CDH13: variants seen among roughly 807,000 people sequenced by gnomAD.
CDH13 encodes the protein cadherin-13.
CDH13 carries 24 observed loss-of-function variants against 63.8 expected under a neutral mutation model. The observed-to-expected ratio is 0.38, with a 90% CI of 0.27 to 0.53. The LOEUF (loss-of-function observed/expected upper bound fraction) is 0.53, where lower values mean the gene tolerates loss of function less well. CDH13 is among the 20% of genes least tolerant of loss of function. The probability of loss-of-function intolerance (pLI) is 0.85; values close to 1 mark genes in which losing one functional copy is unlikely to be tolerated. For missense variants in CDH13, 1,049 were observed against 903.1 expected (o/e 1.16, Z -2.07); for synonymous variants, 503 against 355.3 (o/e 1.42, Z -4.67).
Position 82,849,405 on chromosome 16 carries a change from G to C in CDH13, c.46-8957G>C, listed in dbSNP as rs111343334. Among the ~76,000 whole-genome samples, 812 of 152,268 alleles carry C rather than the reference G, an allele frequency of 5.3e-3. 7 individuals carry two copies. Among genetic ancestry groups the C allele is most frequent in the African/African-American group, 0.017 (711 of 41,540 alleles). ...TAATACCAGCTACTCGGGAGGCCAA[G>C]GCAGGAGAATCGGTTGAACCAGGGA... On this transcript the variant is annotated intron_variant, in intron 1 of 13. Transcript: ENST00000567109.
At chr16:83,022,509 C>T (rs139771745) in intron 2 of CDH13, among the ~76,000 whole-genome samples, 291 of 152,302 alleles carry the variant, frequency 1.9e-3, no homozygotes, top group African/African-American at 6.8e-3. Flanking sequence ...ACGTGTAGAG[C>T]ATTTAAACCA....
At chr16:83,575,192 T>C (rs1567777302) in intron 7 of CDH13, among the ~76,000 whole-genome samples, 2 of 152,186 alleles carry the variant, frequency 1.3e-5, no homozygotes, top group African/African-American at 2.4e-5. Context: ...GAATTTTTCT[T>C]TGGGGTGATG....
At position 82,959,476 on chromosome 16, in the gene CDH13, C is replaced by G. The variant is rs147793365; in HGVS notation, c.158-72534C>G. 8.9e-3 allele frequency among the ~76,000 whole-genome samples: 1,357 copies of G among 152,298 alleles called. 24 individuals are homozygous for G. Among genetic ancestry groups the G allele is most frequent in the African/African-American group, 0.031 (1,288 of 41,558 alleles). On this transcript the variant is annotated intron_variant, in intron 2 of 13. Coordinates refer to ENST00000567109, the MANE Select transcript of CDH13 (RefSeq NM_001257.5). ...TCTGGAGGCCCAAGGGCAGAATCCACTTTCTTCCCTCTCCCAGTTTCTAGA... is the reference window on the plus strand; with the variant it reads ...TCTGGAGGCCCAAGGGCAGAATCCAGTTTCTTCCCTCTCCCAGTTTCTAGA...
intron 2 of CDH13, among the ~76,000 whole-genome samples, chr16:82,923,540 T>C (rs2042219204): frequency 1.3e-5 from 2 of 152,348 alleles, no homozygotes; most frequent in Admixed American, 6.5e-5. Flanking sequence ...ACTCTGAGGC[T>C]ATGGAATCTA....
chr16:83,572,613 T>C (rs767388886), intron 7 of CDH13, among the ~76,000 whole-genome samples: 5 of 152,194 alleles, frequency 3.3e-5, no homozygotes, highest in Admixed American at 6.5e-5. Context: ...ATCCATTGAA[T>C]TGAATATTCT....
chr16:83,738,922 G>A (rs901749996), intron 10 of CDH13, among the ~76,000 whole-genome samples: 3 of 152,116 alleles, frequency 2.0e-5, no homozygotes, highest in South Asian at 4.1e-4. Flanking sequence ...AAAAGGGGGG[G>A]TTTAGGAGAA....
intron 1 of CDH13, among the ~76,000 whole-genome samples, chr16:82,691,616 T>TG (rs1394433776): frequency 6.6e-6 from 1 of 152,162 alleles, no homozygotes; most frequent in East Asian, 1.9e-4. Flanking sequence ...AGATCCACTC[T>TG]GGGGAAAGGC....
At chr16:83,313,747 T>C (rs766643906) in intron 5 of CDH13, among the ~76,000 whole-genome samples, 121 of 152,278 alleles carry the variant, frequency 7.9e-4, no homozygotes, top group Non-Finnish European at 1.4e-3. Context: ...TTGCCTTTTT[T>C]CCCATTATTT....
intron 4 of CDH13, among the ~76,000 whole-genome samples, chr16:83,157,852 G>T (rs548400116): frequency 4.5e-4 from 68 of 151,916 alleles, no homozygotes; most frequent in African/African-American, 1.6e-3. Flanking sequence ...GGCAGAGGTT[G>T]CAGTGAGCCA....
At chr16:83,745,260 C>T (rs1912466550) in intron 10 of CDH13, among the ~76,000 whole-genome samples, 1 of 152,204 alleles carries the variant, frequency 6.6e-6, no homozygotes, top group South Asian at 2.1e-4. Context: ...GCAGGAGCCT[C>T]TCCTGGCGTC....
intron 13 of CDH13, among the ~76,000 whole-genome samples, chr16:83,787,499 C>G (rs563363331): frequency 2.0e-5 from 3 of 152,308 alleles, no homozygotes; most frequent in Admixed American, 1.3e-4. Flanking sequence ...AGTGGATTCC[C>G]TTATCAGCAG....
intron 5 of CDH13, among the ~76,000 whole-genome samples, chr16:83,252,962 C>A (rs1369039585): frequency 6.6e-6 from 1 of 152,168 alleles, no homozygotes; most frequent in African/African-American, 2.4e-5. Context: ...TGTGTCCTCT[C>A]TTCTAAAGTG....
At chr16:82,732,251 A>G (rs1036657109) in intron 1 of CDH13, among the ~76,000 whole-genome samples, 2 of 152,120 alleles carry the variant, frequency 1.3e-5, no homozygotes, top group Non-Finnish European at 2.9e-5. Flanking sequence ...TTATGTTTGT[A>G]GCTGAACTGA....
At chr16:83,349,120 C>A (rs2090899397) in intron 6 of CDH13, among the ~76,000 whole-genome samples, 2 of 152,152 alleles carry the variant, frequency 1.3e-5, no homozygotes, top group African/African-American at 4.8e-5. Flanking sequence ...GTGAATCATT[C>A]CTGGATGAAG....
chr16:83,254,949 C>CTTTTTCTT (rs1358807734), intron 5 of CDH13, among the ~76,000 whole-genome samples: 564 of 6,736 alleles, frequency 0.084, 16 homozygotes, highest in Middle Eastern at 0.17. Flanking sequence ...TTTTCTTTTT[C>CTTTTTCTT]TCTTTCTTTC....
At chr16:83,501,601 C>G (rs897577782) in intron 7 of CDH13, among the ~76,000 whole-genome samples, 6 of 152,194 alleles carry the variant, frequency 3.9e-5, no homozygotes, top group African/African-American at 7.2e-5. Context: ...ATAACACTCA[C>G]AGGAGCTCTG....
chr16:83,537,767 C>G (rs1175081791), intron 7 of CDH13, among the ~76,000 whole-genome samples: 1 of 152,134 alleles, frequency 6.6e-6, no homozygotes, highest in Non-Finnish European at 1.5e-5. Flanking sequence ...ATTTTAGCCC[C>G]TTGGAAGGAA....
At chr16:83,629,724 C>T (rs1049717819) in intron 8 of CDH13, among the ~76,000 whole-genome samples, 6 of 152,168 alleles carry the variant, frequency 3.9e-5, no homozygotes, top group East Asian at 1.9e-4. Flanking sequence ...CTAATATCCT[C>T]GACACAATTT....
intron 7 of CDH13, among the ~76,000 whole-genome samples, chr16:83,513,575 C>T (rs527551398): frequency 6.6e-6 from 1 of 152,224 alleles, no homozygotes; most frequent in East Asian, 1.9e-4. Flanking sequence ...GAAAGTCAAC[C>T]GTCCTTCTTC....
Sources: gnomAD v4.1 joint callset for allele counts (sites outside exome capture counted in the v4.1 genomes callset) on GRCh38, gnomAD v4.1.1 for gene constraint, MANE v1.5 for transcripts, NCBI Gene and HGNC (gene_info 2026-07-23, HGNC 2026-07-21) for gene names.